The following SYT1 variants were observed in gnomAD, a reference collection of about 807,000 sequenced individuals.
SYT1 encodes the protein synaptotagmin 1, also known as synaptotagmin-1.
In SYT1, 8 loss-of-function variants were observed where a neutral mutation model predicts 44.8. The ratio of observed to expected loss-of-function variants is 0.18; its 90% CI spans 0.10 to 0.32. The LOEUF is 0.32. Ranked by LOEUF, SYT1 falls within the 10% of genes least tolerant of loss-of-function variation. The pLI is 1.00. For synonymous variants in SYT1, 154 were observed against 188.8 expected, an observed-to-expected ratio of 0.82 and a Z score of 1.51; for missense variants, 286 against 509.3, an observed-to-expected ratio of 0.56 and a Z score of 4.22.
intron 1 of SYT1, among the ~76,000 whole-genome samples, chr12:78,954,821 T>G (rs1477659979): frequency 6.6e-6 from 1 of 152,168 alleles, no homozygotes; most frequent in African/African-American, 2.4e-5. Context: ...AAATGCATAT[T>G]GCCTGCATTA....
rs952003156 is a variant in SYT1 at position 79,020,543 on chromosome 12, T to A, written c.-83-26754T>A. On this transcript the variant is annotated intron_variant, in intron 2 of 10. Coordinates refer to ENST00000261205, the MANE Select transcript of SYT1 (RefSeq NM_005639.3). ...AATATAAACAACAACAAAAAAAGTA[T>A]GTGCTGAAACTTAGAGAAGTGTGAT... 2.6e-5 allele frequency among the ~76,000 whole-genome samples: 4 copies of A among 151,980 alleles called. No individual in the cohort carries two copies. The Admixed American group carries it at 2.6e-4, about 10-fold the overall frequency.
intron 3 of SYT1, among the ~76,000 whole-genome samples, chr12:79,190,444 A>G (rs534233970): frequency 2.0e-5 from 3 of 152,230 alleles, no homozygotes; most frequent in South Asian, 4.1e-4. Flanking sequence ...CCACACACAC[A>G]CATACATTTT....
chr12:79,308,767 A>G (rs1880610828), intron 8 of SYT1, among the ~76,000 whole-genome samples: 2 of 152,100 alleles, frequency 1.3e-5, no homozygotes, highest in Non-Finnish European at 2.9e-5. Flanking sequence ...ACCAATCGAT[A>G]TGGTCCCTAT....
intron 1 of SYT1, among the ~76,000 whole-genome samples, chr12:78,917,249 G>T (rs1315751904): frequency 6.6e-6 from 1 of 152,028 alleles, no homozygotes; most frequent in African/African-American, 2.4e-5. Flanking sequence ...GAAGACAGTT[G>T]TATTTATCCT....
At chr12:79,173,841 A>G (rs1871697276) in intron 3 of SYT1, among the ~76,000 whole-genome samples, 2 of 152,048 alleles carry the variant, frequency 1.3e-5, no homozygotes, top group Admixed American at 6.6e-5. Flanking sequence ...TTAGGAGGCA[A>G]GGATAAGGCA....
chr12:78,877,691 CA>C (rs1214971696), intron 1 of SYT1, among the ~76,000 whole-genome samples: 1 of 151,382 alleles, frequency 6.6e-6, no homozygotes, highest in African/African-American at 2.4e-5. Flanking sequence ...CTTTTTGAGA[CA>C]GATTCTGGCT....
intron 1 of SYT1, among the ~76,000 whole-genome samples, chr12:78,943,601 G>A (rs893342018): frequency 6.6e-6 from 1 of 152,058 alleles, no homozygotes; most frequent in Non-Finnish European, 1.5e-5. Flanking sequence ...TTCAACATGA[G>A]ATTTGGCAGG....
chr12:79,354,933 C>G (rs997910913), intron 9 of SYT1, among the ~76,000 whole-genome samples: 8 of 152,118 alleles, frequency 5.3e-5, no homozygotes, highest in South Asian at 4.1e-4. Flanking sequence ...TATGCTTTGT[C>G]CCAAATATCC....
At chr12:79,340,962 T>G (rs574002591) in intron 8 of SYT1, among the ~76,000 whole-genome samples, 2 of 152,226 alleles carry the variant, frequency 1.3e-5, no homozygotes, top group Non-Finnish European at 2.9e-5. Flanking sequence ...TAATACATGT[T>G]TCTATAATGA....
At chr12:79,141,256 GTTAA>G (rs1869539427) in intron 3 of SYT1, among the ~76,000 whole-genome samples, 1 of 151,892 alleles carries the variant, frequency 6.6e-6, no homozygotes, top group African/African-American at 2.4e-5. Context: ...AATATTGTCT[GTTAA>G]TTTTTTTCCT....
chr12:79,075,449 A>G (rs1368877704), intron 3 of SYT1, among the ~76,000 whole-genome samples: 1 of 152,180 alleles, frequency 6.6e-6, no homozygotes, highest in Non-Finnish European at 1.5e-5. Flanking sequence ...TAGTTGCCAA[A>G]GAACACTTTC....
At position 78,993,730 on chromosome 12, in the gene SYT1, T is replaced by C. The variant is rs542165416; in HGVS notation, c.-84+15799T>C. Among the ~76,000 whole-genome samples, 17 of 152,334 alleles carry C rather than the reference T, an allele frequency of 1.1e-4. 1 individual carries two copies. In the South Asian group the frequency reaches 3.3e-3, roughly 30 times the overall value. ...GTTTTTTGGCCTATAAAAATGATGA[T>C]TTCATATAGCCCAATCTAATATTAC... On this transcript the variant is annotated intron_variant, in intron 2 of 10. Transcript: ENST00000261205.
chr12:79,398,710 A>G (rs1292006758), intron 9 of SYT1, among the ~76,000 whole-genome samples: 5 of 152,210 alleles, frequency 3.3e-5, no homozygotes, highest in African/African-American at 1.2e-4. Flanking sequence ...ACATTTGCAA[A>G]TAGGATTTAT....
intron 3 of SYT1, among the ~76,000 whole-genome samples, chr12:79,150,162 T>G (rs1293258496): frequency 1.3e-5 from 2 of 152,104 alleles, no homozygotes; most frequent in Non-Finnish European, 2.9e-5. Context: ...TGAGAGCATT[T>G]AAAATCTACT....
chr12:79,430,602 A>T (rs1168117227), intron 9 of SYT1, among the ~76,000 whole-genome samples: 1 of 152,226 alleles, frequency 6.6e-6, no homozygotes, highest in Non-Finnish European at 1.5e-5. Flanking sequence ...CCTAGGCAAC[A>T]TAGCAAGATC....
chr12:79,043,996 G>T (rs868367492), intron 2 of SYT1, among the ~76,000 whole-genome samples: 8 of 152,134 alleles, frequency 5.3e-5, no homozygotes, highest in Admixed American at 3.3e-4. Context: ...CGAGAGATCC[G>T]CTGTTAGTCT....
At chr12:79,434,961 TAATGATTTAAAGATAG>T (rs2136186171) in intron 9 of SYT1, among the ~76,000 whole-genome samples, 1 of 152,210 alleles carries the variant, frequency 6.6e-6, no homozygotes, top group East Asian at 1.9e-4. Context: ...CTGGCCTTCC[TAATGATTTAAAGATAG>T]ACACATAACT....
chr12:79,079,024 G>A (rs964647436), intron 3 of SYT1, among the ~76,000 whole-genome samples: 11 of 152,140 alleles, frequency 7.2e-5, no homozygotes, highest in Non-Finnish European at 1.5e-4. Flanking sequence ...TAAAAATTCT[G>A]TTCTGACAGG....
intron 3 of SYT1, among the ~76,000 whole-genome samples, chr12:79,131,375 C>T (rs1868809718): frequency 6.6e-6 from 1 of 151,794 alleles, no homozygotes; most frequent in Non-Finnish European, 1.5e-5. Flanking sequence ...TCCCTTATTC[C>T]TTCAACAAGG....
Sources: allele counts gnomAD v4.1 joint callset (sites outside exome capture counted in the v4.1 genomes callset), GRCh38; gene constraint gnomAD v4.1.1; transcripts MANE v1.5; gene names NCBI Gene and HGNC (gene_info 2026-07-23, HGNC 2026-07-21).